DGKI: variants seen among roughly 807,000 people sequenced by gnomAD.
DGKI encodes the protein diacylglycerol kinase iota.
DGKI carries 55 observed loss-of-function variants against 147.5 expected under a neutral mutation model. The ratio of observed to expected loss-of-function variants is 0.37; its 90% confidence interval spans 0.30 to 0.47. The LOEUF is 0.47. Among genes scored for constraint, DGKI ranks in the 20% least tolerant of loss-of-function variants. The probability of loss-of-function intolerance (pLI) is 1.00; values close to 1 mark genes in which losing one functional copy is unlikely to be tolerated. For missense variants in DGKI, 1,007 were observed against 1,323.8 expected, an observed-to-expected ratio of 0.76 and a Z score of 3.71; for synonymous variants, 469 against 477.1, an observed-to-expected ratio of 0.98 and a Z score of 0.22.
intron 21 of DGKI, among the ~76,000 whole-genome samples, chr7:137,515,917 C>G (rs952389992): frequency 2.0e-5 from 3 of 151,994 alleles, no homozygotes; most frequent in Non-Finnish European, 4.4e-5. Context: ...GCACGAAACT[C>G]TGGGTAAATG....
intron 1 of DGKI, among the ~76,000 whole-genome samples, chr7:137,825,630 T>A (rs555663257): frequency 7.2e-4 from 109 of 150,912 alleles, no homozygotes; most frequent in African/African-American, 2.4e-3. Context: ...ACACACACTC[T>A]CACACACACA....
At chr7:137,594,263 T>C (rs528645522) in intron 12 of DGKI, among the ~76,000 whole-genome samples, 2 of 152,166 alleles carry the variant, frequency 1.3e-5, no homozygotes, top group Non-Finnish European at 2.9e-5. Context: ...GCCAAGCTGA[T>C]CTCAAACTCC....
At position 137,509,829 on chromosome 7, in the gene DGKI, G is replaced by A. The variant is rs10276720; in HGVS notation, c.2248+12037C>T. ...ACACTACACTCTCCAGGTGCCCATC[G>A]AAGCCCAGCCCACAACCCCTCAGGA... On this transcript the variant is annotated intron_variant, in intron 21 of 32. Transcript: ENST00000614521. Among the ~76,000 whole-genome samples the A allele has an allele frequency of 6.3e-3, 955 of 152,254 alleles. 2 individuals are homozygous for A. The highest frequency in any genetic ancestry group is 0.022 in the African/African-American group (924 of 41,554).
intron 1 of DGKI, among the ~76,000 whole-genome samples, chr7:137,841,413 A>T (rs1197076222): frequency 2.0e-5 from 3 of 152,234 alleles, no homozygotes; most frequent in Non-Finnish European, 4.4e-5. Flanking sequence ...TAATGAAAAA[A>T]AGTTTTATGG....
chr7:137,602,144 C>A (rs1820012440), intron 10 of DGKI, among the ~76,000 whole-genome samples: 1 of 152,188 alleles, frequency 6.6e-6, no homozygotes, highest in Non-Finnish European at 1.5e-5. Context: ...ACATTTCCAA[C>A]TGACTTGCTA....
intron 3 of DGKI, among the ~76,000 whole-genome samples, chr7:137,659,843 G>A (rs1822359690): frequency 6.6e-6 from 1 of 152,204 alleles, no homozygotes; most frequent in Non-Finnish European, 1.5e-5. Flanking sequence ...TGAGGCAGGA[G>A]AACGGCGTGA....
chr7:137,426,972 T>A (rs1812837724), intron 28 of DGKI, among the ~76,000 whole-genome samples: 1 of 150,386 alleles, frequency 6.6e-6, no homozygotes, highest in Non-Finnish European at 1.5e-5. Flanking sequence ...CACCCCACTG[T>A]CAACATTAGA....
At position 137,606,801 on chromosome 7, in the gene DGKI, T is replaced by C. The variant is rs114936416; in HGVS notation, c.1167+2165A>G. Among the ~76,000 whole-genome samples the C allele has an allele frequency of 8.5e-3, 1,295 of 152,302 alleles. 25 individuals carry two copies. The highest frequency in any genetic ancestry group is 0.029 in the African/African-American group (1,220 of 41,554). ...TTTAATCACATTTCCAATAACTTAA[T>C]ATGCATGCACCACTCATCATATTGT... On this transcript the variant is annotated intron_variant, in intron 10 of 32. Coordinates refer to ENST00000614521, the MANE Select transcript of DGKI (RefSeq NM_001321708.2).
intron 20 of DGKI, among the ~76,000 whole-genome samples, chr7:137,544,072 A>C (rs1272989793): frequency 6.6e-6 from 1 of 152,172 alleles, no homozygotes; most frequent in African/African-American, 2.4e-5. Context: ...GGTAACCACA[A>C]CTTAGAGCCT....
At chr7:137,676,707 C>T (rs1823050389) in intron 3 of DGKI, among the ~76,000 whole-genome samples, 1 of 152,194 alleles carries the variant, frequency 6.6e-6, no homozygotes. Context: ...TCTGTTTCTT[C>T]CTACTTCTAC....
At chr7:137,617,124 C>CA (rs60654879) in intron 8 of DGKI, among the ~76,000 whole-genome samples, 5,261 of 47,772 alleles carry the variant, frequency 0.11, 461 homozygotes, top group East Asian at 0.28. Context: ...TCCCTTTTAC[C>CA]AAAAAAAAAA....
chr7:137,598,821 C>T (rs1294890848), intron 11 of DGKI, among the ~76,000 whole-genome samples: 1 of 151,820 alleles, frequency 6.6e-6, no homozygotes, highest in Non-Finnish European at 1.5e-5. Context: ...CCCAGGATAG[C>T]AGATTTGCCT....
chr7:137,827,101 G>A (rs977073248), intron 1 of DGKI, among the ~76,000 whole-genome samples: 3 of 152,114 alleles, frequency 2.0e-5, no homozygotes, highest in African/African-American at 4.8e-5. Flanking sequence ...AGAAAGAAAA[G>A]TTATTGTCCA....
chr7:137,428,610 T>C (rs1812921913), intron 28 of DGKI, among the ~76,000 whole-genome samples: 1 of 152,170 alleles, frequency 6.6e-6, no homozygotes, highest in South Asian at 2.1e-4. Context: ...GGAATTCAAA[T>C]TGTCCCTTTT....
intron 20 of DGKI, among the ~76,000 whole-genome samples, chr7:137,542,121 G>T (rs1015192935): frequency 6.6e-6 from 1 of 152,162 alleles, no homozygotes; most frequent in Non-Finnish European, 1.5e-5. Context: ...AGTACCAAGT[G>T]CTGATAGGGG....
chr7:137,716,661 C>G (rs1794385979), intron 1 of DGKI, among the ~76,000 whole-genome samples: 1 of 152,244 alleles, frequency 6.6e-6, no homozygotes, highest in Non-Finnish European at 1.5e-5. Context: ...CATGTCATCA[C>G]TGACCAAGAA....
intron 1 of DGKI, among the ~76,000 whole-genome samples, chr7:137,752,699 C>A (rs1042491858): frequency 6.6e-6 from 1 of 152,156 alleles, no homozygotes; most frequent in African/African-American, 2.4e-5. Flanking sequence ...CTTGCTCAAT[C>A]GATCACGACC....
intron 21 of DGKI, among the ~76,000 whole-genome samples, chr7:137,518,273 T>C (rs1270881535): frequency 3.3e-5 from 5 of 152,134 alleles, no homozygotes; most frequent in African/African-American, 1.2e-4. Context: ...ATTTTACAGA[T>C]GAGAGATTTG....
chr7:137,463,615 A>C lies in DGKI; in HGVS notation c.2613-4T>G. The C allele has an allele frequency of 6.2e-7, 1 of 1,613,966 alleles. No homozygotes were observed. On this transcript the variant is annotated splice_region_variant and splice_polypyrimidine_tract_variant and intron_variant, in intron 26 of 32. Coordinates refer to ENST00000614521, the MANE Select transcript of DGKI (RefSeq NM_001321708.2). ...AGGATTCCACCAGTCTGAGATCCTG[A>C]GAGAAAGAAGGGCACCAGACAGTTA...
Sources: gnomAD v4.1 joint callset for allele counts (sites outside exome capture counted in the v4.1 genomes callset) on GRCh38, gnomAD v4.1.1 for gene constraint, MANE v1.5 for transcripts, NCBI Gene and HGNC (gene_info 2026-07-23, HGNC 2026-07-21) for gene names.